The following ADAMTSL1 variants were observed in gnomAD, a reference collection of about 807,000 sequenced individuals.
ADAMTSL1 encodes ADAMTS-like protein 1.
A neutral mutation model predicts 201.8 loss-of-function variants in ADAMTSL1; 126 were observed. That is an observed-to-expected ratio of 0.62 (90% CI 0.54 to 0.72). The LOEUF (loss-of-function observed/expected upper bound fraction) is 0.72, where lower values mean the gene tolerates loss of function less well. Ranked by LOEUF, ADAMTSL1 falls within the 30% of genes least tolerant of loss-of-function variation. The probability of loss-of-function intolerance (pLI) is 0.00; values close to 1 mark genes in which losing one functional copy is unlikely to be tolerated. For missense variants in ADAMTSL1, 2,679 were observed against 2,277.8 expected (o/e 1.18, Z -3.59); for synonymous variants, 1,121 against 903.4 (o/e 1.24, Z -4.32).
At chr9:18,517,967 T>C (rs1818464477) in intron 2 of ADAMTSL1, among the ~76,000 whole-genome samples, 1 of 152,100 alleles carries the variant, frequency 6.6e-6, no homozygotes, top group Non-Finnish European at 1.5e-5. Flanking sequence ...TTCTTCCTTC[T>C]TCCTTTGGCC....
intron 20 of ADAMTSL1, chr9:18,796,794 T>A (rs1455193623): frequency 6.6e-6 from 1 of 152,218 alleles, no homozygotes; most frequent in Non-Finnish European, 1.5e-5. Context: ...ATTCCCCTCT[T>A]TATACAGAGT....
At chr9:18,771,967 A>T (rs1427501373) in intron 17 of ADAMTSL1, among the ~76,000 whole-genome samples, 1 of 152,218 alleles carries the variant, frequency 6.6e-6, no homozygotes, top group African/African-American at 2.4e-5. Flanking sequence ...ATAACTTGGC[A>T]GTAAAACTGC....
chr9:18,381,583 G>A (rs1055703926), intron 2 of ADAMTSL1, among the ~76,000 whole-genome samples: 1 of 152,138 alleles, frequency 6.6e-6, no homozygotes. Context: ...TAATAGAACA[G>A]AAGCCTTCAC....
chr9:18,398,967 C>A (rs936690641), intron 2 of ADAMTSL1, among the ~76,000 whole-genome samples: 1 of 151,886 alleles, frequency 6.6e-6, no homozygotes, highest in African/African-American at 2.4e-5. Flanking sequence ...ATCCCAGGGG[C>A]TGGAATCTTA....
At chr9:17,929,426 T>G (rs935585019) in intron 1 of ADAMTSL1, among the ~76,000 whole-genome samples, 1 of 152,092 alleles carries the variant, frequency 6.6e-6, no homozygotes, top group East Asian at 1.9e-4. Context: ...TTGCCCCCAT[T>G]GAGAATGCAT....
At chr9:18,658,911 C>G (rs567691684) in intron 8 of ADAMTSL1, among the ~76,000 whole-genome samples, 62 of 152,212 alleles carry the variant, frequency 4.1e-4, no homozygotes, top group African/African-American at 1.4e-3. Flanking sequence ...ATTGTTAGAT[C>G]AAGGAATTTC....
intron 23 of ADAMTSL1, among the ~76,000 whole-genome samples, chr9:18,844,935 G>T (rs1189571257): frequency 6.6e-6 from 1 of 151,880 alleles, no homozygotes; most frequent in Non-Finnish European, 1.5e-5. Flanking sequence ...TCCAGGTGCC[G>T]TCTGTCACCC....
chr9:18,717,159 G>A (rs28631522), intron 14 of ADAMTSL1, among the ~76,000 whole-genome samples: 12,282 of 149,256 alleles, frequency 0.082, 1,303 homozygotes, highest in African/African-American at 0.24. Context: ...TGGGTACAGC[G>A]CACCAGCATG....
chr9:18,162,322 T>A (rs1445430780), intron 1 of ADAMTSL1, among the ~76,000 whole-genome samples: 1 of 151,998 alleles, frequency 6.6e-6, no homozygotes, highest in African/African-American at 2.4e-5. Flanking sequence ...GAGAAAGCTT[T>A]GTTTTTACAT....
intron 1 of ADAMTSL1, among the ~76,000 whole-genome samples, chr9:17,913,769 C>A (rs747232130): frequency 6.6e-6 from 1 of 151,484 alleles, no homozygotes; most frequent in African/African-American, 2.4e-5. Context: ...ATTGATAGAC[C>A]GCTAGCGAGA....
chr9:18,552,752 A>G (rs907455819), intron 3 of ADAMTSL1, among the ~76,000 whole-genome samples: 1 of 151,636 alleles, frequency 6.6e-6, no homozygotes, highest in African/African-American at 2.4e-5. Context: ...TGAAGAAGCT[A>G]ATCTTTCTTC....
At chr9:18,255,810 C>T (rs990468495) in intron 2 of ADAMTSL1, among the ~76,000 whole-genome samples, 1 of 152,202 alleles carries the variant, frequency 6.6e-6, no homozygotes, top group East Asian at 1.9e-4. Flanking sequence ...CCCTGGTCTC[C>T]AGCTGGCCCT....
At chr9:18,222,584 T>C (rs1278293002) in intron 2 of ADAMTSL1, among the ~76,000 whole-genome samples, 2 of 151,616 alleles carry the variant, frequency 1.3e-5, no homozygotes, top group African/African-American at 4.8e-5. Context: ...TTTTATCTCA[T>C]AAATTAGTTA....
In ADAMTSL1 at chr9:18,865,746, TAGAG is replaced by T. The variant is rs565076161; in HGVS notation, c.4250-22080_4250-22077del. The stretch of plus-strand genomic sequence containing the variant: ...TCTTTCAGTGGTTAAGAAGGGTTGA[TAGAG>T]AGAGGCCTTCTGCTGCCAGAACTCT... On this transcript the variant is annotated intron_variant, in intron 23 of 28. Coordinates refer to ENST00000380548, the MANE Select transcript of ADAMTSL1 (RefSeq NM_001040272.6). Among the ~76,000 whole-genome samples the T allele has an allele frequency of 4.9e-3, 747 of 152,248 alleles. 8 individuals carry two copies. The highest frequency in any genetic ancestry group is 0.016 in the African/African-American group (659 of 41,544).
chr9:18,186,901 C>T (rs747283734), intron 2 of ADAMTSL1, among the ~76,000 whole-genome samples: 19 of 151,676 alleles, frequency 1.3e-4, no homozygotes, highest in Non-Finnish European at 2.1e-4. Context: ...ATATTATTGA[C>T]GATAAGGATG....
At chr9:18,120,946 G>A (rs1226270240) in intron 1 of ADAMTSL1, among the ~76,000 whole-genome samples, 3 of 151,844 alleles carry the variant, frequency 2.0e-5, no homozygotes, top group Non-Finnish European at 4.4e-5. Flanking sequence ...TTCCTATATA[G>A]ACTCTACACA....
intron 3 of ADAMTSL1, among the ~76,000 whole-genome samples, chr9:18,571,390 C>T (rs937889642): frequency 2.0e-5 from 3 of 152,168 alleles, no homozygotes; most frequent in Admixed American, 6.6e-5. Flanking sequence ...CAAACAATTT[C>T]CTCAATGTTC....
intron 3 of ADAMTSL1, among the ~76,000 whole-genome samples, chr9:18,539,713 T>A (rs1440347986): frequency 6.6e-6 from 1 of 152,208 alleles, no homozygotes; most frequent in Non-Finnish European, 1.5e-5. Context: ...GATTCCAGGC[T>A]TTGGGATGTA....
chr9:18,189,145 A>G lies in ADAMTSL1; in HGVS notation c.207+25164A>G, dbSNP rs773873440. ...TGGAGACAGGCGTTAAGAGGAAGGA[A>G]TTAGTTCCACTCCACAGTTGCCAGG... is the stretch of plus-strand genomic sequence containing the variant. On this transcript the variant is annotated intron_variant, in intron 2 of 29. Coordinates refer to the ADAMTSL1 transcript ENST00000680146. 1.7e-4 allele frequency among the ~76,000 whole-genome samples: 26 copies of G among 152,134 alleles called. 1 individual carries two copies. The highest frequency in any genetic ancestry group is 1.7e-3 in the Admixed American group (26 of 15,264).
Sources: allele counts gnomAD v4.1 joint callset (sites outside exome capture counted in the v4.1 genomes callset), GRCh38; gene constraint gnomAD v4.1.1; transcripts MANE v1.5; gene names NCBI Gene and HGNC (gene_info 2026-07-23, HGNC 2026-07-21).